Variants in ZNF768 observed in about 807,000 individuals in gnomAD.
ZNF768 encodes the protein zinc finger protein 768.
A neutral mutation model predicts 39.7 loss-of-function variants in ZNF768; 12 were observed. The ratio of observed to expected loss-of-function variants is 0.30; its 90% CI spans 0.19 to 0.49. The LOEUF is 0.49. Among genes scored for constraint, ZNF768 ranks in the 20% least tolerant of loss-of-function variants. The pLI is 0.99. For missense variants in ZNF768, 613 were observed against 723.2 expected (o/e 0.85, Z 1.75); for synonymous variants, 360 against 288.4 (o/e 1.25, Z -2.52).
In ZNF768 at chr16:30,524,196, T is replaced by G; in HGVS notation, c.*321A>C. ...ACCAATCTAAGCTAACCCACTCTAA[T>G]TAGGTAATCCCCTGCCCTCCCCCCT... On this transcript the variant is annotated 3_prime_UTR_variant, in exon 2 of 2. Coordinates refer to ENST00000380412, the MANE Select transcript of ZNF768 (RefSeq NM_024671.4). The G allele has an allele frequency of 2.9e-6, 1 of 346,098 alleles. No individual in the cohort carries two copies. The highest frequency in any genetic ancestry group is 5.3e-6 in the Non-Finnish European group (1 of 188,372). The allele number at this position is 346,098 out of a possible 1,614,324, so 21.4% of individuals were successfully genotyped here. A position where few individuals can be genotyped will look rare whatever the true frequency, so the allele number is the denominator to read the frequency against.
Position 30,525,258 on chromosome 16 carries a change from G to A in ZNF768, c.882C>T (p.Cys294=). Residue 294 remains cysteine, a synonymous_variant, in exon 2 of 2, where the codon TGC becomes TGT. Transcript: ENST00000380412. Reference sequence around the variant, plus strand: ...CAGAGCTCTGGGAGAAGGCCTTGCTGCAGACCTCACATTTGTAGGGCTTCT... The same window carrying A: ...CAGAGCTCTGGGAGAAGGCCTTGCTACAGACCTCACATTTGTAGGGCTTCT... The part of the protein sequence containing the change: ...TGEKPYKCEV[C]SKAFSQSSDL... The A allele has an allele frequency of 6.2e-7, 1 of 1,614,202 alleles. No homozygotes were observed. Among genetic ancestry groups the A allele is most frequent in the South Asian group, 1.1e-5 (1 of 91,088 alleles).
upstream of ZNF768, chr16:30,526,749 AC>A (rs2051331040): frequency 5.4e-6 from 1 of 186,458 alleles, no homozygotes; most frequent in Non-Finnish European, 7.2e-6. Context: ...CACCTTCTGG[AC>A]CCCGGCCCCG....
At chr16:30,532,329 A>G in the ZNF768 span, 34 of 751,168 alleles carry the variant, frequency 4.5e-5, 1 homozygote, top group South Asian at 5.9e-4. Flanking sequence ...GGCAGCGGGG[A>G]GCAAGGTGCT....
upstream of ZNF768, among the ~76,000 whole-genome samples, chr16:30,530,067 G>A (rs992105398): frequency 1.1e-4 from 17 of 152,084 alleles, no homozygotes; most frequent in East Asian, 7.7e-4. The surrounding 1 kb of genome is among the most constrained non-coding windows in gnomAD (Gnocchi z 4.4). Flanking sequence ...CTGACCTTGC[G>A]ATCCGCCCGC....
In ZNF768 at chr16:30,524,138, C is replaced by A; in HGVS notation, c.*379G>T. The A allele has an allele frequency of 5.0e-6, 1 of 198,664 alleles. No homozygotes were observed. The highest frequency in any genetic ancestry group is 2.3e-5 in the African/African-American group (1 of 42,734). 12.3% of individuals were successfully genotyped at this position (198,664 alleles called of 1,614,324 possible). On this transcript the variant is annotated 3_prime_UTR_variant, in exon 2 of 2. Transcript: ENST00000380412. ...CACTCCCCACCCCACCTACCTTTTACCCGCTCCTGACTCAACGAGAGTTTC... is the reference window on the plus strand; with the variant it reads ...CACTCCCCACCCCACCTACCTTTTAACCGCTCCTGACTCAACGAGAGTTTC...
chr16:30,524,271 G>A lies in ZNF768; in HGVS notation c.*246C>T, dbSNP rs987352034. On this transcript the variant is annotated 3_prime_UTR_variant, in exon 2 of 2. Transcript: ENST00000380412. ...AGGCACCCACCAAGGAGCCGCGGCT[G>A]AGGCCAGCCCTCCGCTGACCTCTCT... The A allele has an allele frequency of 4.1e-5, 21 of 508,668 alleles. No individual in the cohort carries two copies. The highest frequency in any genetic ancestry group is 3.7e-4 in the African/African-American group (18 of 49,156). 31.5% of individuals were successfully genotyped at this position (508,668 alleles called of 1,614,324 possible).
In ZNF768 at chr16:30,525,609, A is replaced by G. The variant is rs953708518; in HGVS notation, c.531T>C (p.Leu177=). 3.1e-6 allele frequency: 5 copies of G among 1,614,210 alleles called. No individual in the cohort carries two copies. Among genetic ancestry groups the G allele is most frequent in the Non-Finnish European group, 3.4e-6 (4 of 1,180,042 alleles). Residue 177 remains leucine (L), a synonymous_variant, in exon 2 of 2, where the codon CTT becomes CTC. Transcript: ENST00000380412. ...AAGGACTCTTTTCCTCGGGGTTCAG[A>G]AGCATCTCCGCACCTTCCTGGAATT... The part of the protein sequence containing the change: ...SSKFQEGAEM[L]LNPEEKSPLN...
chr16:30,527,038 G>A (rs2151215977), upstream of ZNF768: 1 of 985,434 alleles, frequency 1.0e-6, no homozygotes, highest in African/African-American at 1.7e-5. Flanking sequence ...CCATCTCCCG[G>A]GCCCCGCGTC....
chr16:30,526,146 G>C, intron 1 of ZNF768, 95 bp from the exon 2 acceptor site: 1 of 1,489,570 alleles, frequency 6.7e-7, no homozygotes, highest in South Asian at 1.4e-5. Flanking sequence ...AGGGTCGCTG[G>C]CCCCTAGACA....
chr16:30,524,580 C>G lies in ZNF768; in HGVS notation c.1560G>C (p.Lys520Asn), dbSNP rs1473955954. Residue 520 changes from lysine (K) to asparagine (N), a missense_variant, in exon 2 of 2, where the codon AAG becomes AAC. By Grantham distance (94) the Lys-to-Asn change is moderately conservative. This residue lies in a region of ZNF768 where 204 missense variants were observed against 281.7 expected (regional missense o/e 0.72). Transcript: ENST00000380412. ...ERPYKCDDCG[K>N]AFSQSSDLIR... ...TGAGGTCGGAGCTCTGGGAGAAGGCCTTTCCGCAGTCATCGCACTTGTAAG... is the reference window on the plus strand; with the variant it reads ...TGAGGTCGGAGCTCTGGGAGAAGGCGTTTCCGCAGTCATCGCACTTGTAAG... 6.2e-7 allele frequency: 1 copy of G among 1,612,502 alleles called. No homozygotes were observed. Among genetic ancestry groups the G allele is most frequent in the Non-Finnish European group, 8.5e-7 (1 of 1,179,940 alleles).
chr16:30,528,099 T>A (rs911622675), upstream of ZNF768: 1 of 152,174 alleles, frequency 6.6e-6, no homozygotes, highest in Non-Finnish European at 1.5e-5. Flanking sequence ...GATGCCCCTG[T>A]GTGAGCAGGA....
In ZNF768 at chr16:30,525,397, C is replaced by G. The variant is rs745612939; in HGVS notation, c.743G>C (p.Arg248Pro). 2 of 1,614,026 alleles carry G rather than the reference C, an allele frequency of 1.2e-6. No homozygotes were observed. The highest frequency in any genetic ancestry group is 1.7e-6 in the Non-Finnish European group (2 of 1,180,032). The stretch of plus-strand genomic sequence containing the variant: ...CTGCCCACCCCTGGCCCGGCCACCC[C>G]GCCGACCTGGACCTCGAAGGGCTCC... ...LTGALRGPGRRGGRARGGQGP... is the reference protein window; with the variant it reads ...LTGALRGPGRPGGRARGGQGP... The change falls in exon 2 of 2, where the codon CGG becomes CCG. Residue 248 changes from arginine to proline, a missense_variant. Around this residue, in one of 4 missense-constraint regions of ZNF768, gnomAD observed 347 missense variants for 326.1 expected, o/e 1.06. Coordinates refer to ENST00000380412, the MANE Select transcript of ZNF768 (RefSeq NM_024671.4).
chr16:30,527,232 T>A (rs1326912478), upstream of ZNF768: 1 of 985,494 alleles, frequency 1.0e-6, no homozygotes, highest in Non-Finnish European at 1.2e-6. Context: ...TCCTTGAGCC[T>A]GGGACCCCCT....
At chr16:30,526,098 T>C in intron 1 of ZNF768, 47 bp from the exon 2 acceptor site, 4 of 1,493,154 alleles carry the variant, frequency 2.7e-6, no homozygotes, top group Non-Finnish European at 3.6e-6. Flanking sequence ...GAAGGTCATT[T>C]GGTCCATTAG....
chr16:30,527,231 C>G, upstream of ZNF768: 4 of 985,712 alleles, frequency 4.1e-6, no homozygotes, highest in Non-Finnish European at 4.8e-6. Flanking sequence ...GTCCTTGAGC[C>G]TGGGACCCCC....
chr16:30,524,578 G>T lies in ZNF768; in HGVS notation c.1562C>A (p.Ala521Asp). 6.2e-7 allele frequency: 1 copy of T among 1,612,478 alleles called. No homozygotes were observed. ...RPYKCDDCGK[A>D]FSQSSDLIRH... ...GATGAGGTCGGAGCTCTGGGAGAAGGCCTTTCCGCAGTCATCGCACTTGTA... is the reference window on the plus strand; with the variant it reads ...GATGAGGTCGGAGCTCTGGGAGAAGTCCTTTCCGCAGTCATCGCACTTGTA... Residue 521 changes from alanine (A) to aspartate (D), a missense_variant, in exon 2 of 2, where the codon GCC (alanine) becomes GAC (aspartate). Ala to Asp is a moderately radical substitution (Grantham distance 126). Around this residue, in one of 4 missense-constraint regions of ZNF768, gnomAD observed 204 missense variants for 281.7 expected, o/e 0.72. Transcript: ENST00000380412.
At position 30,524,925 on chromosome 16, in the gene ZNF768, G is replaced by C. The variant is rs1224265510; in HGVS notation, c.1215C>G (p.Ile405Met). ...HTGQRPFSCGICGKSFSQRSA... is the reference protein window; with the variant it reads ...HTGQRPFSCGMCGKSFSQRSA... ...ACCGCTGGGAGAAGCTCTTGCCGCA[G>C]ATGCCACAGCTGAAGGGCCTCTGAC... The change falls in exon 2 of 2, where the codon ATC becomes ATG. Residue 405 changes from isoleucine to methionine, a missense_variant. This residue lies in a region of ZNF768 where 204 missense variants were observed against 281.7 expected (regional missense o/e 0.72). Transcript: ENST00000380412. 1.2e-6 allele frequency: 2 copies of C among 1,613,450 alleles called. No individual in the cohort carries two copies. The highest frequency in any genetic ancestry group is 1.3e-5 in the African/African-American group (1 of 74,922).
At position 30,525,231 on chromosome 16, in the gene ZNF768, G is replaced by A. The variant is rs1358654517; in HGVS notation, c.909C>T (p.Asp303=). Residue 303 remains aspartate (D), a synonymous_variant, in exon 2 of 2, where the codon GAC becomes GAT. Coordinates refer to ENST00000380412, the MANE Select transcript of ZNF768 (RefSeq NM_024671.4). ...TGTGGGTGCGCTGGTGTTTGATGAG[G>A]TCAGAGCTCTGGGAGAAGGCCTTGC... is the stretch of plus-strand genomic sequence containing the variant. ...VCSKAFSQSS[D]LIKHQRTHTG... is the part of the protein sequence containing the mutation. 5.6e-6 allele frequency: 9 copies of A among 1,614,208 alleles called. No individual in the cohort carries two copies. In the East Asian group the frequency reaches 1.3e-4, roughly 24 times the overall value.
Position 30,525,307 on chromosome 16 carries a change from T to A in ZNF768, c.833A>T (p.Gln278Leu). The A allele has an allele frequency of 6.2e-7, 1 of 1,614,036 alleles. No homozygotes were observed. Among genetic ancestry groups the A allele is most frequent in the Non-Finnish European group, 8.5e-7 (1 of 1,179,974 alleles). Reference sequence around the variant, plus strand: ...CTCACCGGTGTGGATGCGCTGGTGCTGGATCAGGGTGGAGCCCCGCCCGAA... The same window carrying A: ...CTCACCGGTGTGGATGCGCTGGTGCAGGATCAGGGTGGAGCCCCGCCCGAA... Reference protein sequence around the residue: ...KSFGRGSTLIQHQRIHTGEKP... With the variant: ...KSFGRGSTLILHQRIHTGEKP... Residue 278 changes from glutamine (Q) to leucine (L), a missense_variant, in exon 2 of 2, where the codon CAG (glutamine) becomes CTG (leucine). By Grantham distance (113) the Gln-to-Leu change is moderately radical. Around this residue, in one of 4 missense-constraint regions of ZNF768, gnomAD observed 40 missense variants for 52.0 expected, o/e 0.77. Coordinates refer to ENST00000380412, the MANE Select transcript of ZNF768 (RefSeq NM_024671.4).
Sources: gnomAD v4.1 joint callset for allele counts (sites outside exome capture counted in the v4.1 genomes callset) on GRCh38, gnomAD v4.1.1 for gene constraint, gnomAD v4.1.1 regional missense constraint, Gnocchi (gnomAD v3.1) non-coding constraint, MANE v1.5 for transcripts, NCBI Gene and HGNC (gene_info 2026-07-23, HGNC 2026-07-21) for gene names.